The following UTP4 variants were observed in gnomAD, a reference collection of about 807,000 sequenced individuals.
The protein encoded by UTP4 is U3 small nucleolar RNA-associated protein 4 homolog.
Under a neutral mutation model 82.4 loss-of-function variants are expected in UTP4, and 45 were observed. The observed-to-expected ratio is 0.55, with a 90% CI of 0.43 to 0.70. The LOEUF is 0.70. UTP4 is among the 30% of genes least tolerant of loss of function. UTP4 has a pLI of 0.00. For missense variants in UTP4, 819 were observed against 858.3 expected, an observed-to-expected ratio of 0.95 and a Z score of 0.57; for synonymous variants, 348 against 300.3, an observed-to-expected ratio of 1.16 and a Z score of -1.64.
At chr16:69,142,842 A>G (rs1050483507) in intron 5 of UTP4, among the ~76,000 whole-genome samples, 14 of 151,958 alleles carry the variant, frequency 9.2e-5, no homozygotes, top group Admixed American at 3.9e-4. Flanking sequence ...TTCTGTTCTC[A>G]TTCTCTTCCC....
Position 69,154,363 on chromosome 16 carries a change from G to GA in UTP4, c.1100-25dup, listed in dbSNP as rs1376462040. ...TGTACAAATACTCTTTCTTTCATAA[G>GA]AAAAATCTCAGGGAAGTTTCTTGTT... is the stretch of plus-strand genomic sequence containing the variant. On this transcript the variant is annotated intron_variant, in intron 9 of 16. Transcript: ENST00000314423. 1.9e-6 allele frequency: 3 copies of GA among 1,557,640 alleles called. No homozygotes were observed. The South Asian group carries it at 3.4e-5, about 17-fold the overall frequency.
Position 69,165,487 on chromosome 16 carries a change from C to G in UTP4, c.1794C>G (p.Leu598=), listed in dbSNP as rs751090702. ...FHPKRPMHIL[L]HDAYMFCIID... ...CCAAGAGACCGATGCACATCCTTCTCCATGATGCCTACATGTTCTGCATCA... is the reference window on the plus strand; with the variant it reads ...CCAAGAGACCGATGCACATCCTTCTGCATGATGCCTACATGTTCTGCATCA... The change falls in exon 15 of 17, where the codon CTC becomes CTG. Residue 598 remains leucine, a synonymous_variant. Coordinates refer to ENST00000314423, the MANE Select transcript of UTP4 (RefSeq NM_032830.3). The G allele has an allele frequency of 3.1e-6, 5 of 1,614,150 alleles. No homozygotes were observed. The highest frequency in any genetic ancestry group is 4.2e-6 in the Non-Finnish European group (5 of 1,179,990).
chr16:69,163,214 G>A, intron 14 of UTP4, 36 bp downstream of exon 14: 1 of 1,516,062 alleles, frequency 6.6e-7, no homozygotes, highest in Non-Finnish European at 9.2e-7. Flanking sequence ...TTCCCTTCCT[G>A]CTGGATAGTA....
At chr16:69,147,693 G>T (rs768586331) in intron 6 of UTP4, among the ~76,000 whole-genome samples, 1 of 152,064 alleles carries the variant, frequency 6.6e-6, no homozygotes, top group Non-Finnish European at 1.5e-5. Context: ...GCCTATACAA[G>T]AAATGCATTT....
chr16:69,143,342 A>G lies in UTP4; in HGVS notation c.691A>G (p.Ser231Gly), dbSNP rs542442565. 7 of 1,614,190 alleles carry G rather than the reference A, an allele frequency of 4.3e-6. No individual in the cohort carries two copies. In the African/African-American group the frequency reaches 9.3e-5, roughly 22 times the overall value. Residue 231 changes from serine to glycine, a missense_variant, in exon 6 of 17, where the codon AGC becomes GGC. Transcript: ENST00000314423. ...CTCAGCCACTGGGACGCTTGTGAAGAGCCATCTCATCGCTAATGCTGACGT... is the reference window on the plus strand; with the variant it reads ...CTCAGCCACTGGGACGCTTGTGAAGGGCCATCTCATCGCTAATGCTGACGT... ...WDSATGTLVK[S>G]HLIANADVQS...
Position 69,143,211 on chromosome 16 carries a change from A to G in UTP4, c.560A>G (p.Gln187Arg). Residue 187 changes from glutamine (Q) to arginine (R), a missense_variant, in exon 6 of 17, where the codon CAG (glutamine) becomes CGG (arginine). Gln to Arg is a conservative substitution (Grantham distance 43, BLOSUM62 1). Transcript: ENST00000314423. ...SAVHKMIVDR[Q>R]YMGVSKRKCI... ...GTTCATAAGATGATTGTGGACAGGCAGTATATGGGCGTGTCTAAGCGGAAG... is the reference window on the plus strand; with the variant it reads ...GTTCATAAGATGATTGTGGACAGGCGGTATATGGGCGTGTCTAAGCGGAAG... The G allele has an allele frequency of 1.2e-6, 2 of 1,614,234 alleles. No individual in the cohort carries two copies. Among genetic ancestry groups the G allele is most frequent in the African/African-American group, 1.3e-5 (1 of 75,060 alleles).
rs16958656 is a variant in UTP4, at chr16:69,136,806, G to A, written c.270G>A (p.Ala90=). 1.2e-3 allele frequency: 2,000 copies of A among 1,614,140 alleles called. 12 individuals carry two copies. The African/African-American group carries it at 0.015, about 12-fold the overall frequency. The change falls in exon 3 of 17, where the codon GCG becomes GCA. Residue 90 remains alanine, a synonymous_variant. Transcript: ENST00000314423. ...AGATTATGGAGTATGATTTACAGGC[G>A]TTAAACATCAAGTATGCTATGGATG... ...NGEIMEYDLQ[A]LNIKYAMDAF...
At position 69,163,036 on chromosome 16, in the gene UTP4, A is replaced by T. The variant is rs376496640; in HGVS notation, c.1552-47A>T. The T allele has an allele frequency of 2.2e-5, 30 of 1,392,706 alleles. No individual in the cohort carries two copies. In the African/African-American group the frequency reaches 3.5e-4, roughly 16 times the overall value. 86.3% of individuals were successfully genotyped at this position (1,392,706 alleles called of 1,614,324 possible). A position where few individuals can be genotyped will look rare whatever the true frequency, so the allele number is the denominator to read the frequency against. On this transcript the variant is annotated intron_variant, in intron 13 of 16. Transcript: ENST00000314423. ...CTAGACCATTCAATCTTTGCTGAGG[A>T]AAAGTGTCACTTAGAGTTGCCACTT... is the stretch of plus-strand genomic sequence containing the variant.
intron 12 of UTP4, among the ~76,000 whole-genome samples, chr16:69,158,876 C>CA (rs1963493190): frequency 6.6e-6 from 1 of 152,132 alleles, no homozygotes; most frequent in South Asian, 2.1e-4. Context: ...TGGCATAGAG[C>CA]ATCACTGTCC....
rs1016999336 is a variant in UTP4 at position 69,164,610 on chromosome 16, A to G, written c.1648-731A>G. On this transcript the variant is annotated intron_variant, in intron 14 of 16. Coordinates refer to ENST00000314423, the MANE Select transcript of UTP4 (RefSeq NM_032830.3). Reference sequence around the variant, plus strand: ...TTTATATATATATATATATATATATATATATGTATATATATATCTGTATAT... The same window carrying G: ...TTTATATATATATATATATATATATGTATATGTATATATATATCTGTATAT... 4.9e-3 allele frequency among the ~76,000 whole-genome samples: 667 copies of G among 134,748 alleles called. 2 individuals are homozygous for G. Among genetic ancestry groups the G allele is most frequent in the African/African-American group, 0.019 (648 of 34,424 alleles). The allele number at this position is 134,748 out of a possible 152,430, so 88.4% of individuals were successfully genotyped here.
chr16:69,152,050 A>G (rs934273982), intron 8 of UTP4, among the ~76,000 whole-genome samples: 1 of 150,830 alleles, frequency 6.6e-6, no homozygotes, highest in Non-Finnish European at 1.5e-5. Flanking sequence ...CTATTGAGGC[A>G]TACTTGATAT....
intron 6 of UTP4, among the ~76,000 whole-genome samples, chr16:69,144,879 C>T (rs1229107690): frequency 6.6e-6 from 1 of 152,160 alleles, no homozygotes; most frequent in Non-Finnish European, 1.5e-5. Flanking sequence ...TGGTGACTCA[C>T]GCCTGTAGTC....
At chr16:69,133,367 C>T in intron 1 of UTP4, 91 bp from the exon 2 acceptor site, 1 of 1,293,520 alleles carries the variant, frequency 7.7e-7, no homozygotes, top group Admixed American at 1.8e-5. Flanking sequence ...TGGAGCCTTC[C>T]AGCCAGAACA....
At chr16:69,149,334 C>G (rs1003169008) in intron 6 of UTP4, among the ~76,000 whole-genome samples, 1 of 152,064 alleles carries the variant, frequency 6.6e-6, no homozygotes, top group East Asian at 1.9e-4. Flanking sequence ...GAGCTGAGAT[C>G]GCGCCATTGC....
chr16:69,144,028 C>T (rs1003734836), intron 6 of UTP4, among the ~76,000 whole-genome samples: 7 of 151,618 alleles, frequency 4.6e-5, no homozygotes, highest in Non-Finnish European at 8.8e-5. Context: ...GCTCGGATTA[C>T]AGGCCCCTGT....
chr16:69,144,080 G>A (rs927683788), intron 6 of UTP4, among the ~76,000 whole-genome samples: 2 of 151,526 alleles, frequency 1.3e-5, no homozygotes, highest in African/African-American at 4.9e-5. Context: ...TAGAGATGGG[G>A]TTTCACCATG....
intron 6 of UTP4, among the ~76,000 whole-genome samples, chr16:69,144,947 GC>G (rs1963067728): frequency 6.6e-6 from 1 of 152,106 alleles, no homozygotes; most frequent in South Asian, 2.1e-4. Flanking sequence ...TTCAAGACGA[GC>G]CTGGTCAACA....
chr16:69,162,047 A>G (rs1296295194), intron 13 of UTP4, among the ~76,000 whole-genome samples: 2 of 149,988 alleles, frequency 1.3e-5, no homozygotes, highest in African/African-American at 4.9e-5. Context: ...TGCTCACTGC[A>G]ACCTCCGCCT....
At chr16:69,157,016 T>G in intron 11 of UTP4, 68 bp from the exon 12 acceptor site, 1 of 1,536,288 alleles carries the variant, frequency 6.5e-7, no homozygotes, top group Non-Finnish European at 9.0e-7. Context: ...TAAGCCTAGC[T>G]GTGATTGTTT....
Sources: gnomAD v4.1 joint callset for allele counts (sites outside exome capture counted in the v4.1 genomes callset) on GRCh38, gnomAD v4.1.1 for gene constraint, MANE v1.5 for transcripts, NCBI Gene and HGNC (gene_info 2026-07-23, HGNC 2026-07-21) for gene names.